The following ZNF33A variants were observed in gnomAD, a reference collection of about 807,000 sequenced individuals.
The protein encoded by ZNF33A is zinc finger protein 33A.
A neutral mutation model predicts 15.9 loss-of-function variants in ZNF33A; 9 were observed. The ratio of observed to expected loss-of-function variants is 0.57; its 90% confidence interval spans 0.34 to 0.99. ZNF33A has a LOEUF of 0.99. Among genes scored for constraint, ZNF33A ranks in the 50% least tolerant of loss-of-function variants. ZNF33A has a pLI of 0.02. For missense variants in ZNF33A, 843 were observed against 941.6 expected, an observed-to-expected ratio of 0.90 and a Z score of 1.37; for synonymous variants, 294 against 324.2, an observed-to-expected ratio of 0.91 and a Z score of 1.00.
intron 4 of ZNF33A, among the ~76,000 whole-genome samples, chr10:38,018,847 T>C (rs1471896682): frequency 1.3e-5 from 2 of 152,056 alleles, no homozygotes; most frequent in Non-Finnish European, 2.9e-5. Context: ...CGAAAAGATA[T>C]AAAACTACAC....
At position 38,017,285 on chromosome 10, in the gene ZNF33A, T is replaced by C; in HGVS notation, c.155-6T>C. 1 of 1,612,864 alleles carries C rather than the reference T, an allele frequency of 6.2e-7. No individual in the cohort carries two copies. ...GTCCAAATCCTAAATTATTTCCTGT[T>C]AACAGGGTATTGTGTTCACAAACCA... On this transcript the variant is annotated splice_region_variant and splice_polypyrimidine_tract_variant and intron_variant, in intron 3 of 4. Transcript: ENST00000432900.
downstream of ZNF33A, among the ~76,000 whole-genome samples, chr10:38,065,799 C>T (rs1262887709): frequency 1.3e-5 from 2 of 152,000 alleles, no homozygotes; most frequent in Non-Finnish European, 2.9e-5. Context: ...CAACCTCCGC[C>T]AACCGGGTTC....
At chr10:38,051,128 A>G (rs1474432734) in intron 4 of ZNF33A, among the ~76,000 whole-genome samples, 2 of 152,220 alleles carry the variant, frequency 1.3e-5, no homozygotes. Context: ...TTCCAGTTAT[A>G]TATGCAAATC....
chr10:38,029,505 A>C (rs2065124234), intron 4 of ZNF33A, among the ~76,000 whole-genome samples: 1 of 152,188 alleles, frequency 6.6e-6, no homozygotes, highest in African/African-American at 2.4e-5. Context: ...TTTGGCATTC[A>C]CTTGGTTACT....
At chr10:38,025,849 G>A (rs1021347267) in intron 4 of ZNF33A, among the ~76,000 whole-genome samples, 10 of 152,210 alleles carry the variant, frequency 6.6e-5, no homozygotes, top group African/African-American at 2.4e-4. Context: ...CACTCACAAT[G>A]TTGTATAGCC....
intron 4 of ZNF33A, among the ~76,000 whole-genome samples, chr10:38,036,214 T>G (rs2065447794): frequency 6.6e-6 from 1 of 152,098 alleles, no homozygotes; most frequent in Admixed American, 6.6e-5. Flanking sequence ...CTGACGCAGA[T>G]GGATTACCTG....
chr10:38,035,330 C>T (rs2065400690), intron 4 of ZNF33A, among the ~76,000 whole-genome samples: 1 of 151,890 alleles, frequency 6.6e-6, no homozygotes, highest in Non-Finnish European at 1.5e-5. Flanking sequence ...GTTGGACAGG[C>T]TGGTCTCGAA....
intron 4 of ZNF33A, among the ~76,000 whole-genome samples, chr10:38,019,306 G>A (rs1364471088): frequency 1.3e-5 from 2 of 152,088 alleles, no homozygotes; most frequent in Non-Finnish European, 2.9e-5. Flanking sequence ...CCCTACAAAG[G>A]ACATGAACTC....
downstream of ZNF33A, chr10:38,064,042 AC>A (rs2066686657): frequency 6.3e-7 from 1 of 1,578,936 alleles, no homozygotes; most frequent in Non-Finnish European, 8.6e-7. Context: ...CAACCCTACG[AC>A]AGACATTTTC....
Position 38,054,821 on chromosome 10 carries a change from G to A in ZNF33A, c.697G>A (p.Val233Ile), listed in dbSNP as rs1221338684. Residue 233 changes from valine (V) to isoleucine (I), a missense_variant, in exon 5 of 5, where the codon GTA becomes ATA. Physicochemically the swap from Val to Ile is conservative, Grantham distance 29. Transcript: ENST00000432900. ...TCAGGAAACCCTCCTTGAAAAGGCA[G>A]TATTCAATACACAGAAGAGAGAGAA... ...ICQETLLEKA[V>I]FNTQKRENAE... 6.2e-7 allele frequency: 1 copy of A among 1,613,496 alleles called. No homozygotes were observed. Among genetic ancestry groups the A allele is most frequent in the African/African-American group, 1.3e-5 (1 of 75,048 alleles).
chr10:38,047,487 C>T (rs1165409789), intron 4 of ZNF33A, among the ~76,000 whole-genome samples: 4 of 150,924 alleles, frequency 2.7e-5, no homozygotes, highest in Non-Finnish European at 5.9e-5. Flanking sequence ...ATTAGCTGTG[C>T]GTGGTGGCAG....
At chr10:38,065,463 G>A (rs1033888194), downstream of ZNF33A, among the ~76,000 whole-genome samples, 1 of 152,214 alleles carries the variant, frequency 6.6e-6, no homozygotes, top group African/African-American at 2.4e-5. Flanking sequence ...GATACCTGTT[G>A]ACCTGCTCTT....
intron 4 of ZNF33A, among the ~76,000 whole-genome samples, chr10:38,034,498 T>C (rs2065352482): frequency 6.6e-6 from 1 of 152,210 alleles, no homozygotes; most frequent in African/African-American, 2.4e-5. Flanking sequence ...AGTGGTAAAG[T>C]ACCTTTTTTG....
At chr10:38,046,510 A>G (rs1482898566) in intron 4 of ZNF33A, among the ~76,000 whole-genome samples, 1 of 152,190 alleles carries the variant, frequency 6.6e-6, no homozygotes. Flanking sequence ...AAAGTGTCAC[A>G]TTGTTTCCAA....
At chr10:38,066,541 C>T (rs2066711191), downstream of ZNF33A, among the ~76,000 whole-genome samples, 3 of 151,934 alleles carry the variant, frequency 2.0e-5, no homozygotes, top group Admixed American at 6.6e-5. Flanking sequence ...CATGAGCCAC[C>T]GCACCCAGCC....
chr10:38,037,688 A>T (rs2065513028), intron 4 of ZNF33A, among the ~76,000 whole-genome samples: 1 of 152,166 alleles, frequency 6.6e-6, no homozygotes, highest in Non-Finnish European at 1.5e-5. Context: ...TGAACATAAT[A>T]TATAGTAGTG....
chr10:38,018,989 TTTA>T (rs929774922), intron 4 of ZNF33A, among the ~76,000 whole-genome samples: 3 of 151,928 alleles, frequency 2.0e-5, no homozygotes, highest in Admixed American at 6.6e-5. Context: ...TTTATTTTAT[TTTA>T]TTATTATTAT....
chr10:38,029,050 T>A (rs2065105014), intron 4 of ZNF33A, among the ~76,000 whole-genome samples: 1 of 152,226 alleles, frequency 6.6e-6, no homozygotes, highest in Non-Finnish European at 1.5e-5. Context: ...TCTTATCCAT[T>A]TATCTTTTAA....
downstream of ZNF33A, chr10:38,064,134 A>G (rs1240062732): frequency 6.3e-7 from 1 of 1,594,868 alleles, no homozygotes; most frequent in Non-Finnish European, 8.5e-7. Context: ...GCAGTGCTGG[A>G]AGAAGAGGAC....
Sources: allele counts gnomAD v4.1 joint callset (sites outside exome capture counted in the v4.1 genomes callset), GRCh38; gene constraint gnomAD v4.1.1; transcripts MANE v1.5; gene names NCBI Gene and HGNC (gene_info 2026-07-23, HGNC 2026-07-21).